Variants in PDE4D observed in about 807,000 individuals in gnomAD.
PDE4D encodes the protein 3',5'-cyclic-AMP phosphodiesterase 4D.
In PDE4D, 24 loss-of-function variants were observed where a neutral mutation model predicts 87.4. The observed-to-expected ratio is 0.27, with a 90% confidence interval of 0.20 to 0.39. The LOEUF (loss-of-function observed/expected upper bound fraction) is 0.39, where lower values mean the gene tolerates loss of function less well. PDE4D is among the 10% of genes least tolerant of loss of function. The probability of loss-of-function intolerance (pLI) is 1.00; values close to 1 mark genes in which losing one functional copy is unlikely to be tolerated. For missense variants in PDE4D, 714 were observed against 1,041.0 expected (o/e 0.69, Z 4.32); for synonymous variants, 384 against 383.2 (o/e 1.00, Z -0.02).
At chr5:59,336,901 T>A (rs916174185) in intron 1 of PDE4D, among the ~76,000 whole-genome samples, 1 of 151,956 alleles carries the variant, frequency 6.6e-6, no homozygotes, top group African/African-American at 2.4e-5. Flanking sequence ...TGTTAGGGAG[T>A]CAGGAATCTA....
chr5:59,249,623 T>C (rs1317497530), intron 1 of PDE4D, among the ~76,000 whole-genome samples: 1 of 152,076 alleles, frequency 6.6e-6, no homozygotes, highest in Admixed American at 6.6e-5. Flanking sequence ...ATAAGTAATG[T>C]TTGAAATAAT....
chr5:60,106,272 T>A (rs1776903627), intron 2 of PDE4D, among the ~76,000 whole-genome samples: 1 of 151,952 alleles, frequency 6.6e-6, no homozygotes, highest in East Asian at 1.9e-4. Context: ...GGCCATTACA[T>A]AATGGTAAAG....
At chr5:60,108,218 G>GTA in intron 2 of PDE4D, among the ~76,000 whole-genome samples, 1 of 151,580 alleles carries the variant, frequency 6.6e-6, no homozygotes, top group Non-Finnish European at 1.5e-5. Context: ...AGCAACAACA[G>GTA]ACAAACAGAG....
At position 59,330,999 on chromosome 5, in the gene PDE4D, G is replaced by A. The variant is rs977756533; in HGVS notation, c.456-115031C>T. 5.3e-5 allele frequency among the ~76,000 whole-genome samples: 8 copies of A among 152,004 alleles called. No individual in the cohort carries two copies. The East Asian group carries it at 5.8e-4, about 11-fold the overall frequency. On this transcript the variant is annotated intron_variant, in intron 1 of 14. Coordinates refer to ENST00000340635, the MANE Select transcript of PDE4D (RefSeq NM_001104631.2). ...CATCAACCGCCTGTCCTTCTGGATC[G>A]CCCAGTTTCCAGTCTTGAGAGCTCC...
intron 1 of PDE4D, among the ~76,000 whole-genome samples, chr5:60,350,976 T>C (rs188967146): frequency 2.7e-4 from 41 of 152,294 alleles, no homozygotes; most frequent in African/African-American, 8.9e-4. Context: ...ACACCTGCTA[T>C]TGTTTCAGTG....
chr5:59,125,442 C>T (rs1218198190), intron 5 of PDE4D: 1 of 191,722 alleles, frequency 5.2e-6, no homozygotes, highest in Non-Finnish European at 9.6e-6. Context: ...ATCGGGCTTC[C>T]TAGCACTTCC....
At chr5:60,391,788 A>G (rs928607861) in intron 1 of PDE4D, among the ~76,000 whole-genome samples, 1 of 152,214 alleles carries the variant, frequency 6.6e-6, no homozygotes, top group Admixed American at 6.5e-5. Flanking sequence ...AGATGAGAAC[A>G]TAAACCTCTT....
intron 1 of PDE4D, among the ~76,000 whole-genome samples, chr5:60,282,448 C>T (rs1303083986): frequency 2.6e-5 from 4 of 151,986 alleles, no homozygotes; most frequent in Non-Finnish European, 5.9e-5. Flanking sequence ...ATTCTTTTTC[C>T]TCTAAGTGGC....
At chr5:59,321,054 G>T (rs993498663) in intron 1 of PDE4D, among the ~76,000 whole-genome samples, 1 of 152,022 alleles carries the variant, frequency 6.6e-6, no homozygotes, top group African/African-American at 2.4e-5. Flanking sequence ...TTAACACTGG[G>T]ATGAAACACA....
At chr5:60,450,492 G>T (rs940992318) in intron 1 of PDE4D, among the ~76,000 whole-genome samples, 1 of 152,058 alleles carries the variant, frequency 6.6e-6, no homozygotes, top group Non-Finnish European at 1.5e-5. Flanking sequence ...GGGACAAAAG[G>T]GCTGAGTGAG....
At chr5:59,983,143 G>A (rs1468101381) in intron 3 of PDE4D, among the ~76,000 whole-genome samples, 9 of 151,986 alleles carry the variant, frequency 5.9e-5, no homozygotes, top group African/African-American at 1.7e-4. Context: ...CTCACTACCC[G>A]GCCATCAGCC....
chr5:59,422,133 T>A (rs1794580571), intron 1 of PDE4D, among the ~76,000 whole-genome samples: 1 of 152,226 alleles, frequency 6.6e-6, no homozygotes, highest in South Asian at 2.1e-4. Flanking sequence ...TCCCTGGGGA[T>A]GATGAGGCCT....
intron 1 of PDE4D, chr5:59,586,800 AAAG>A (rs1825213935): frequency 1.0e-6 from 1 of 985,306 alleles, no homozygotes; most frequent in African/African-American, 1.7e-5. Context: ...TATCCTTGTT[AAAG>A]AAGTGTTAGA....
chr5:59,158,793 G>A (rs1401026362), intron 5 of PDE4D, among the ~76,000 whole-genome samples: 1 of 152,090 alleles, frequency 6.6e-6, no homozygotes, highest in African/African-American at 2.4e-5. Context: ...TTATACCCCT[G>A]GTCTTAAAAC....
intron 1 of PDE4D, among the ~76,000 whole-genome samples, chr5:60,378,529 CA>C (rs1321781302): frequency 1.3e-5 from 2 of 151,706 alleles, no homozygotes; most frequent in African/African-American, 4.8e-5. Context: ...CCCCTTGACA[CA>C]AAATAGAAAC....
intron 2 of PDE4D, among the ~76,000 whole-genome samples, chr5:60,052,023 A>C (rs915302266): frequency 4.6e-5 from 7 of 152,138 alleles, no homozygotes; most frequent in African/African-American, 1.4e-4. Context: ...GACCAATACA[A>C]AGTTCTGAAT....
intron 3 of PDE4D, among the ~76,000 whole-genome samples, chr5:59,908,322 T>A (rs558866310): frequency 2.6e-5 from 4 of 152,268 alleles, no homozygotes; most frequent in African/African-American, 9.6e-5. Context: ...AAACTTTTTT[T>A]TAAAAAACAA....
At chr5:59,366,975 G>A (rs1375246637) in intron 1 of PDE4D, among the ~76,000 whole-genome samples, 3 of 152,176 alleles carry the variant, frequency 2.0e-5, no homozygotes, top group South Asian at 2.1e-4. Flanking sequence ...CTCAGCCCAT[G>A]TTTGGAGTTG....
intron 1 of PDE4D, among the ~76,000 whole-genome samples, chr5:59,673,992 C>T (rs763436107): frequency 1.3e-5 from 2 of 151,952 alleles, no homozygotes; most frequent in Non-Finnish European, 2.9e-5. Flanking sequence ...GAAACAATTC[C>T]AAATGATCTG....
Sources: allele counts gnomAD v4.1 joint callset (sites outside exome capture counted in the v4.1 genomes callset), GRCh38; gene constraint gnomAD v4.1.1; transcripts MANE v1.5; gene names NCBI Gene and HGNC (gene_info 2026-07-23, HGNC 2026-07-21).